ZFPM1: variants seen among roughly 807,000 people sequenced by gnomAD.
ZFPM1 encodes zinc finger protein, FOG family member 1.
A neutral mutation model predicts 46.3 loss-of-function variants in ZFPM1; 28 were observed. The observed-to-expected ratio is 0.60, with a 90% CI of 0.45 to 0.83. The LOEUF is 0.83. Among genes scored for constraint, ZFPM1 ranks in the 40% least tolerant of loss-of-function variants. The pLI is 0.00. For synonymous variants in ZFPM1, 957 were observed against 675.9 expected (o/e 1.42, Z -6.45); for missense variants, 1,878 against 1,432.4 (o/e 1.31, Z -5.02).
chr16:88,466,412 T>C (rs981729674), intron 1 of ZFPM1, among the ~76,000 whole-genome samples: 3 of 152,218 alleles, frequency 2.0e-5, no homozygotes, highest in African/African-American at 7.2e-5. Flanking sequence ...GGACCCTGGC[T>C]TCTGGCTTAG....
intron 1 of ZFPM1, among the ~76,000 whole-genome samples, chr16:88,473,718 GC>G (rs1334807303): frequency 1.3e-5 from 2 of 152,144 alleles, no homozygotes; most frequent in Admixed American, 1.3e-4. Flanking sequence ...GATTCTCGGG[GC>G]CGTGCTGGGA....
chr16:88,527,694 A>G (rs1014191535), intron 5 of ZFPM1, among the ~76,000 whole-genome samples: 6 of 151,708 alleles, frequency 4.0e-5, no homozygotes, highest in Non-Finnish European at 5.9e-5. Context: ...GGTCCACTCT[A>G]GGGCCCCACC....
chr16:88,529,429 G>C (rs1309606887), intron 6 of ZFPM1, among the ~76,000 whole-genome samples: 1 of 152,096 alleles, frequency 6.6e-6, no homozygotes, highest in Non-Finnish European at 1.5e-5. Flanking sequence ...GGGGCAAAGA[G>C]ACCTGCAGGG....
At chr16:88,459,975 G>A (rs1047051799) in intron 1 of ZFPM1, among the ~76,000 whole-genome samples, 19 of 151,300 alleles carry the variant, frequency 1.3e-4, no homozygotes, top group Non-Finnish European at 1.9e-4. Context: ...AGCTCACTGC[G>A]CTGGCCCCAG....
intron 1 of ZFPM1, among the ~76,000 whole-genome samples, chr16:88,483,287 A>G (rs560991292): frequency 8.9e-5 from 13 of 146,212 alleles, no homozygotes; most frequent in Non-Finnish European, 1.7e-4. Flanking sequence ...CCTCCTGTCC[A>G]GGACCCCCCA....
rs1256434197 is a variant in ZFPM1 at position 88,534,515 on chromosome 16, G to T, written c.2557G>T (p.Ala853Ser). ...APPPGALGLPAAACPYCPPNG... is the reference protein window; with the variant it reads ...APPPGALGLPSAACPYCPPNG... ...ACCGCCCGGCGCGCTCGGCCTGCCCGCCGCCGCCTGCCCCTACTGCCCCCC... is the reference window on the plus strand; with the variant it reads ...ACCGCCCGGCGCGCTCGGCCTGCCCTCCGCCGCCTGCCCCTACTGCCCCCC... The change falls in exon 10 of 10, where the codon GCC (alanine) becomes TCC (serine). Residue 853 changes from alanine (A) to serine (S), a missense_variant. Coordinates refer to ENST00000319555, the MANE Select transcript of ZFPM1 (RefSeq NM_153813.3). 3 of 1,438,822 alleles carry T rather than the reference G, an allele frequency of 2.1e-6. No individual in the cohort carries two copies. Among genetic ancestry groups the T allele is most frequent in the Non-Finnish European group, 2.7e-6 (3 of 1,098,894 alleles). The allele number at this position is 1,438,822 out of a possible 1,614,324, so 89.1% of individuals were successfully genotyped here.
chr16:88,531,747 T>C (rs964101287), intron 6 of ZFPM1, among the ~76,000 whole-genome samples: 1 of 152,176 alleles, frequency 6.6e-6, no homozygotes, highest in Admixed American at 6.5e-5. Flanking sequence ...GGCTCACCAT[T>C]GGAAGGGGAC....
chr16:88,503,149 G>T (rs952097245), intron 3 of ZFPM1, among the ~76,000 whole-genome samples: 2 of 152,246 alleles, frequency 1.3e-5, no homozygotes, highest in East Asian at 3.9e-4. Context: ...GACCCCCGTG[G>T]GTCCTGAGCA....
chr16:88,476,916 C>G (rs1908712393), intron 1 of ZFPM1, among the ~76,000 whole-genome samples: 1 of 152,266 alleles, frequency 6.6e-6, no homozygotes, highest in African/African-American at 2.4e-5. Flanking sequence ...CCGCTTTTGG[C>G]TGCAAGACCC....
In ZFPM1 at chr16:88,532,856, C is replaced by T. The variant is rs1208120158; in HGVS notation, c.1110C>T (p.Asn370=). 2 of 1,613,532 alleles carry T rather than the reference C, an allele frequency of 1.2e-6. No homozygotes were observed. Among genetic ancestry groups the T allele is most frequent in the Non-Finnish European group, 1.7e-6 (2 of 1,179,982 alleles). The part of the protein sequence containing the change: ...RDILYSHLVT[N]HMVCQPGSKG... ...TCCTCTACAGCCACTTGGTCACCAACCACATGGTCTGCCAGCCTGGCTCCA... is the reference window on the plus strand; with the variant it reads ...TCCTCTACAGCCACTTGGTCACCAATCACATGGTCTGCCAGCCTGGCTCCA... Residue 370 remains asparagine, a synonymous_variant, in exon 9 of 10, where the codon AAC becomes AAT. Coordinates refer to ENST00000319555, the MANE Select transcript of ZFPM1 (RefSeq NM_153813.3).
intron 1 of ZFPM1, among the ~76,000 whole-genome samples, chr16:88,466,770 G>T (rs919016449): frequency 6.6e-6 from 1 of 152,268 alleles, no homozygotes; most frequent in Non-Finnish European, 1.5e-5. Flanking sequence ...GTGTGTATGT[G>T]GGGGAGGGGG....
Position 88,534,047 on chromosome 16 carries a change from A to C in ZFPM1, c.2089A>C (p.Thr697Pro). ...CAACATCCGCTTCAGCCGCCACGAG[A>C]CCTACACCGTGCACAAGCGGTACTA... Reference protein sequence around the residue: ...ACNIRFSRHETYTVHKRYYCA... With the variant: ...ACNIRFSRHEPYTVHKRYYCA... Residue 697 changes from threonine (T) to proline (P), a missense_variant, in exon 10 of 10, where the codon ACC becomes CCC. Transcript: ENST00000319555. The C allele has an allele frequency of 7.5e-7, 1 of 1,328,816 alleles. No homozygotes were observed. The highest frequency in any genetic ancestry group is 9.8e-7 in the Non-Finnish European group (1 of 1,021,516). The allele number at this position is 1,328,816 out of a possible 1,614,324, so 82.3% of individuals were successfully genotyped here.
At chr16:88,453,738 G>C (rs1369580569) in intron 1 of ZFPM1, 60 bp downstream of exon 1, 2 of 1,034,874 alleles carry the variant, frequency 1.9e-6, no homozygotes, top group Non-Finnish European at 2.4e-6. Context: ...GAGCCCAGCC[G>C]CCAGCGCCGC....
chr16:88,505,989 G>T (rs952947112), intron 3 of ZFPM1, among the ~76,000 whole-genome samples: 1 of 152,232 alleles, frequency 6.6e-6, no homozygotes, highest in Non-Finnish European at 1.5e-5. Context: ...AGGAAGGCAG[G>T]TTCTGTGGTT....
intron 4 of ZFPM1, 67 bp from the exon 5 acceptor site, chr16:88,526,747 C>T: frequency 6.6e-7 from 1 of 1,508,034 alleles, no homozygotes; most frequent in South Asian, 1.2e-5. Flanking sequence ...GCCCCACATA[C>T]TCACGGGAAC....
intron 4 of ZFPM1, among the ~76,000 whole-genome samples, chr16:88,517,831 T>G (rs1466759323): frequency 6.8e-6 from 1 of 146,802 alleles, no homozygotes; most frequent in Non-Finnish European, 1.5e-5. Flanking sequence ...GATGGATGGA[T>G]GGATGGATGA....
chr16:88,474,114 C>A (rs375689039), intron 1 of ZFPM1, among the ~76,000 whole-genome samples: 1 of 152,200 alleles, frequency 6.6e-6, no homozygotes, highest in Non-Finnish European at 1.5e-5. Flanking sequence ...ACTTGGCAGG[C>A]GGCGGCTCCG....
intron 4 of ZFPM1, among the ~76,000 whole-genome samples, chr16:88,517,476 GTGGATGGATGGATGGATGGATGGA>G (rs142475772): frequency 7.6e-6 from 1 of 130,726 alleles, no homozygotes; most frequent in African/African-American, 3.0e-5. Flanking sequence ...GGATGGCTGG[GTGGATGGATGGATGGATGGATGGA>G]TGGATGGATG....
chr16:88,535,061 C>A lies in ZFPM1; in HGVS notation c.*82C>A, dbSNP rs568953589. 2 of 1,335,068 alleles carry A rather than the reference C, an allele frequency of 1.5e-6. No homozygotes were observed. Among genetic ancestry groups the A allele is most frequent in the Admixed American group, 3.0e-5 (1 of 33,416 alleles). 82.7% of individuals were successfully genotyped at this position (1,335,068 alleles called of 1,614,324 possible). Reference sequence around the variant, plus strand: ...GCCGCCCCCAGGCCGCACGGACTGCCGCTCCTGGGAACCCCGCCACGCACA... The same window carrying A: ...GCCGCCCCCAGGCCGCACGGACTGCAGCTCCTGGGAACCCCGCCACGCACA... On this transcript the variant is annotated 3_prime_UTR_variant, in exon 10 of 10. Transcript: ENST00000319555.
Sources: gnomAD v4.1 joint callset for allele counts (sites outside exome capture counted in the v4.1 genomes callset) on GRCh38, gnomAD v4.1.1 for gene constraint, MANE v1.5 for transcripts, NCBI Gene and HGNC (gene_info 2026-07-23, HGNC 2026-07-21) for gene names.